The following PSMD12 variants were observed in gnomAD, a reference collection of about 807,000 sequenced individuals.
PSMD12 encodes the protein proteasome 26S subunit, non-ATPase 12, also known as 26S proteasome non-ATPase regulatory subunit 12.
PSMD12 carries 8 observed loss-of-function variants against 62.9 expected under a neutral mutation model. That is an observed-to-expected ratio of 0.13 (90% CI 0.07 to 0.23). The LOEUF is 0.23. PSMD12 is among the 10% of genes least tolerant of loss of function. PSMD12 has a pLI of 1.00. For synonymous variants in PSMD12, 173 were observed against 187.4 expected, an observed-to-expected ratio of 0.92 and a Z score of 0.63; for missense variants, 424 against 550.2, an observed-to-expected ratio of 0.77 and a Z score of 2.29.
rs562262777 is a variant in PSMD12, at chr17:67,344,304, T to C, written c.1083+302A>G. On this transcript the variant is annotated intron_variant, in intron 9 of 10. Coordinates refer to ENST00000356126, the MANE Select transcript of PSMD12 (RefSeq NM_002816.5). ...TCTCACAATGAAGCAAGCTAAAATATAGCTATCTTTTCTGAAAAGCCAAAA... is the reference window on the plus strand; with the variant it reads ...TCTCACAATGAAGCAAGCTAAAATACAGCTATCTTTTCTGAAAAGCCAAAA... 8.3e-4 allele frequency among the ~76,000 whole-genome samples: 126 copies of C among 151,528 alleles called. 1 individual carries two copies. In the Middle Eastern group the frequency reaches 0.014, roughly 17 times the overall value.
rs774355577 is a variant in PSMD12, at chr17:67,344,727, A to G, written c.962T>C (p.Val321Ala). ...TMELMRWSTL[V>A]EDYGMELRKG... Reference sequence around the variant, plus strand: ...TCTTAATTCCATTCCATAGTCCTCAACAAGTGTGGACCAACGCATCAACTC... The same window carrying G: ...TCTTAATTCCATTCCATAGTCCTCAGCAAGTGTGGACCAACGCATCAACTC... Residue 321 changes from valine (V) to alanine (A), a missense_variant, in exon 9 of 11, where the codon GTT (valine) becomes GCT (alanine). Val to Ala is a moderately conservative substitution (Grantham distance 64, BLOSUM62 0). Transcript: ENST00000356126. 2.5e-6 allele frequency: 4 copies of G among 1,612,446 alleles called. No individual in the cohort carries two copies. Among genetic ancestry groups the G allele is most frequent in the Admixed American group, 1.7e-5 (1 of 59,940 alleles).
At chr17:67,346,968 T>C (rs1322549909) in intron 7 of PSMD12, 148 bp downstream of exon 7, 3 of 770,964 alleles carry the variant, frequency 3.9e-6, no homozygotes, top group Non-Finnish European at 5.7e-6. Context: ...GCAATTGGAC[T>C]GAATCAGTAA....
At position 67,366,549 on chromosome 17, in the gene PSMD12, C is replaced by T. The variant is rs774009148; in HGVS notation, c.-30G>A. 8 of 1,572,560 alleles carry T rather than the reference C, an allele frequency of 5.1e-6. No homozygotes were observed. The African/African-American group carries it at 5.4e-5, about 11-fold the overall frequency. Reference sequence around the variant, plus strand: ...CCCGCCTGAGCGTCCCTTGCTGTCCCCCTGCTTCGGCCACCACTCGTCACC... The same window carrying T: ...CCCGCCTGAGCGTCCCTTGCTGTCCTCCTGCTTCGGCCACCACTCGTCACC... On this transcript the variant is annotated 5_prime_UTR_variant, in exon 1 of 11. Coordinates refer to ENST00000356126, the MANE Select transcript of PSMD12 (RefSeq NM_002816.5).
At chr17:67,354,983 G>A (rs1375116235) in intron 3 of PSMD12, among the ~76,000 whole-genome samples, 1 of 151,818 alleles carries the variant, frequency 6.6e-6, no homozygotes, top group Non-Finnish European at 1.5e-5. Flanking sequence ...GAGCAAGACT[G>A]TCTCAAATAA....
At chr17:67,351,431 T>TAATAATAA (rs1555640971) in intron 3 of PSMD12, among the ~76,000 whole-genome samples, 2 of 148,378 alleles carry the variant, frequency 1.3e-5, no homozygotes, top group African/African-American at 2.5e-5. Flanking sequence ...ATAATAATAA[T>TAATAATAA]TAGGACCATG....
rs746407801 is a variant in PSMD12 at position 67,339,650 on chromosome 17, TTTTC to T, written c.*1189_*1192del. ...AGAAATGCCATTTCTAGAATGCTGT[TTTTC>T]TTTTTCTCTTCATTTGAATTTTTTT... is the stretch of plus-strand genomic sequence containing the variant. On this transcript the variant is annotated 3_prime_UTR_variant, in exon 11 of 11. Coordinates refer to ENST00000356126, the MANE Select transcript of PSMD12 (RefSeq NM_002816.5). 1.3e-5 allele frequency: 2 copies of T among 152,144 alleles called. No homozygotes were observed. Among genetic ancestry groups the T allele is most frequent in the African/African-American group, 4.8e-5 (2 of 41,430 alleles). The allele number at this position is 152,144 out of a possible 1,614,324, so 9.4% of individuals were successfully genotyped here. A position where few individuals can be genotyped will look rare whatever the true frequency, so the allele number is the denominator to read the frequency against.
At chr17:67,362,013 T>C (rs953292447) in intron 1 of PSMD12, among the ~76,000 whole-genome samples, 5 of 150,628 alleles carry the variant, frequency 3.3e-5, no homozygotes, top group African/African-American at 1.2e-4. Flanking sequence ...GTTATTTATA[T>C]CCTACTGCTC....
At chr17:67,351,490 A>G (rs2042017452) in intron 3 of PSMD12, among the ~76,000 whole-genome samples, 1 of 151,468 alleles carries the variant, frequency 6.6e-6, no homozygotes, top group South Asian at 2.1e-4. Flanking sequence ...TGGTTAAGGC[A>G]GCAGAAAAGT....
Position 67,348,460 on chromosome 17 carries a change from T to C in PSMD12, c.510+90A>G. The C allele has an allele frequency of 7.6e-6, 8 of 1,052,572 alleles. 1 individual carries two copies. In the South Asian group the frequency reaches 1.1e-4, roughly 15 times the overall value. The allele number at this position is 1,052,572 out of a possible 1,614,324, so 65.2% of individuals were successfully genotyped here. ...CCAAAATAATTATTGGTCCCAAACA[T>C]TTTGGATAAGGGATACTCAACCTAT... is the stretch of plus-strand genomic sequence containing the variant. On this transcript the variant is annotated intron_variant, in intron 5 of 10. Transcript: ENST00000356126.
intron 1 of PSMD12, among the ~76,000 whole-genome samples, chr17:67,360,314 T>C (rs765346632): frequency 3.9e-5 from 6 of 152,254 alleles, no homozygotes; most frequent in Non-Finnish European, 7.3e-5. Flanking sequence ...GCATCATACA[T>C]GTGAGAGAAT....
rs2041959041 is a variant in PSMD12, at chr17:67,345,754, G to A, written c.899C>T (p.Pro300Leu). The A allele has an allele frequency of 6.2e-7, 1 of 1,603,312 alleles. No homozygotes were observed. Among genetic ancestry groups the A allele is most frequent in the East Asian group, 2.2e-5 (1 of 44,812 alleles). Reference sequence around the variant, plus strand: ...TTTCAAAAGTACTTACTTGTATTTGGGAATTTCTTCTAACTTCTTGTCACC... The same window carrying A: ...TTTCAAAAGTACTTACTTGTATTTGAGAATTTCTTCTAACTTCTTGTCACC... ...ISGDKKLEEI[P>L]KYKDLLKLFT... is the part of the protein sequence containing the mutation. The change falls in exon 8 of 11, where the codon CCC becomes CTC. Residue 300 changes from proline (P) to leucine (L), a missense_variant. Transcript: ENST00000356126.
chr17:67,349,502 G>T (rs1472648411), intron 4 of PSMD12, among the ~76,000 whole-genome samples: 1 of 152,100 alleles, frequency 6.6e-6, no homozygotes, highest in Non-Finnish European at 1.5e-5. Context: ...ACCTAAATAT[G>T]AAATTACTAT....
At chr17:67,362,185 A>G (rs1431999156) in intron 1 of PSMD12, among the ~76,000 whole-genome samples, 1 of 152,238 alleles carries the variant, frequency 6.6e-6, no homozygotes, top group African/African-American at 2.4e-5. Context: ...AGAGAGAATG[A>G]GAAACCCTCA....
chr17:67,344,411 G>GCAT (rs1374779455), intron 9 of PSMD12, among the ~76,000 whole-genome samples, 195 bp downstream of exon 9: 1 of 152,098 alleles, frequency 6.6e-6, no homozygotes, highest in African/African-American at 2.4e-5. Flanking sequence ...CACCAAATGT[G>GCAT]CATCACTACT....
rs1402664468 is a variant in PSMD12, at chr17:67,340,532, ATGTT to A, written c.*307_*310del. 4.4e-6 allele frequency: 1 copy of A among 227,148 alleles called. No homozygotes were observed. Among genetic ancestry groups the A allele is most frequent in the Non-Finnish European group, 8.4e-6 (1 of 118,592 alleles). The allele number at this position is 227,148 out of a possible 1,614,324, so 14.1% of individuals were successfully genotyped here. On this transcript the variant is annotated 3_prime_UTR_variant, in exon 11 of 11. Transcript: ENST00000356126. ...TATATACTGCTTTTATTATTGGAAT[ATGTT>A]TGTTAGTTGAATGAAAACAAACAGT... is the stretch of plus-strand genomic sequence containing the variant.
intron 3 of PSMD12, among the ~76,000 whole-genome samples, chr17:67,353,523 T>A (rs139094231): frequency 3.2e-4 from 49 of 152,154 alleles, no homozygotes; most frequent in African/African-American, 1.2e-3. Context: ...CCCAGGTTGG[T>A]CTTAAACTCC....
At chr17:67,362,446 G>A (rs1049771877) in intron 1 of PSMD12, among the ~76,000 whole-genome samples, 6 of 152,036 alleles carry the variant, frequency 3.9e-5, no homozygotes, top group African/African-American at 1.2e-4. Flanking sequence ...AGGCTGAGGC[G>A]GGTGGATCAC....
intron 1 of PSMD12, among the ~76,000 whole-genome samples, chr17:67,364,962 T>A (rs2042165496): frequency 6.6e-6 from 1 of 152,058 alleles, no homozygotes; most frequent in African/African-American, 2.4e-5. Context: ...GGTGGGTGGA[T>A]CACTTTAGGT....
At chr17:67,365,512 G>C (rs571105612) in intron 1 of PSMD12, among the ~76,000 whole-genome samples, 1 of 152,174 alleles carries the variant, frequency 6.6e-6, no homozygotes, top group Admixed American at 6.5e-5. Flanking sequence ...GTCTGGCATT[G>C]GAGGCGGCTG....
Sources: gnomAD v4.1 joint callset for allele counts (sites outside exome capture counted in the v4.1 genomes callset) on GRCh38, gnomAD v4.1.1 for gene constraint, MANE v1.5 for transcripts, NCBI Gene and HGNC (gene_info 2026-07-23, HGNC 2026-07-21) for gene names.